Variants in ADAMTS20 observed in about 807,000 individuals in gnomAD.
ADAMTS20 encodes ADAM metallopeptidase with thrombospondin type 1 motif 20.
Under a neutral mutation model 260.1 loss-of-function variants are expected in ADAMTS20, and 225 were observed. That is an observed-to-expected ratio of 0.87 (90% CI 0.78 to 0.97). ADAMTS20 has a LOEUF of 0.97. Ranked by LOEUF, ADAMTS20 falls within the 50% of genes least tolerant of loss-of-function variation. The probability of loss-of-function intolerance (pLI) is 0.00; values close to 1 mark genes in which losing one functional copy is unlikely to be tolerated. For synonymous variants in ADAMTS20, 802 were observed against 769.5 expected (o/e 1.04, Z -0.70); for missense variants, 2,400 against 2,337.7 (o/e 1.03, Z -0.55).
rs750288313 is a variant in ADAMTS20, at chr12:43,440,075, A to C, written c.2291-6T>G. On this transcript the variant is annotated splice_polypyrimidine_tract_variant and splice_region_variant and intron_variant, in intron 16 of 38. Transcript: ENST00000389420. ...CCCTTCAGCGTCAGATAATGCTGTA[A>C]AAGAATAAAGCATAACTCATGAAAT... The C allele has an allele frequency of 1.3e-5, 20 of 1,547,150 alleles. No homozygotes were observed. The highest frequency in any genetic ancestry group is 1.7e-4 in the Middle Eastern group (1 of 5,822).
chr12:43,453,677 G>T (rs991408136), intron 12 of ADAMTS20, among the ~76,000 whole-genome samples: 2 of 151,420 alleles, frequency 1.3e-5, no homozygotes, highest in Non-Finnish European at 2.9e-5. Context: ...ACAAAAAAAT[G>T]AAGAAAATGG....
intron 3 of ADAMTS20, among the ~76,000 whole-genome samples, chr12:43,508,109 A>G (rs1942871778): frequency 6.6e-6 from 1 of 152,174 alleles, no homozygotes; most frequent in African/African-American, 2.4e-5. Flanking sequence ...TACCTACATA[A>G]CAAACTGGCA....
At chr12:43,466,328 A>G (rs115471537) in intron 9 of ADAMTS20, among the ~76,000 whole-genome samples, 2,059 of 152,078 alleles carry the variant, frequency 0.014, 52 homozygotes, top group African/African-American at 0.047. Flanking sequence ...ATTCAAAAAC[A>G]CATAAGGAAA....
chr12:43,534,490 C>T (rs1051431281), intron 2 of ADAMTS20, among the ~76,000 whole-genome samples: 1 of 152,170 alleles, frequency 6.6e-6, no homozygotes, highest in African/African-American at 2.4e-5. Context: ...ATATACCATA[C>T]ATTTGCATGT....
At chr12:43,514,560 CAAAAAAAAAAAAAAAA>C (rs58435633) in intron 3 of ADAMTS20, among the ~76,000 whole-genome samples, 7 of 63,652 alleles carry the variant, frequency 1.1e-4, no homozygotes, top group Admixed American at 1.9e-4. Flanking sequence ...GACTCTATCT[CAAAAAAAAAAAAAAAA>C]AAAAAAAAAA....
chr12:43,468,793 T>C (rs891411110), intron 7 of ADAMTS20, 88 bp from the exon 8 acceptor site: 1 of 724,566 alleles, frequency 1.4e-6, no homozygotes, highest in African/African-American at 1.8e-5. Flanking sequence ...TAACCATTGA[T>C]GTTATTACTT....
At chr12:43,449,496 A>G (rs11182080) in intron 14 of ADAMTS20, among the ~76,000 whole-genome samples, 118,124 of 151,896 alleles carry the variant, frequency 0.78, 47,089 homozygotes, top group East Asian at 1. Context: ...GGTGGAGGGT[A>G]GGAGGCGCGA....
intron 16 of ADAMTS20, among the ~76,000 whole-genome samples, chr12:43,442,903 C>T (rs1941694503): frequency 2.6e-5 from 4 of 152,168 alleles, no homozygotes; most frequent in Admixed American, 2.6e-4. Flanking sequence ...CTATCTAGTT[C>T]CAAAACCTGT....
intron 35 of ADAMTS20, among the ~76,000 whole-genome samples, 171 bp from the exon 36 acceptor site, chr12:43,375,683 A>G (rs1263052093): frequency 6.6e-6 from 1 of 152,248 alleles, no homozygotes; most frequent in Non-Finnish European, 1.5e-5. Flanking sequence ...AACATTTTCA[A>G]TGAAACATCT....
At chr12:43,459,162 C>G (rs970423109) in intron 11 of ADAMTS20, among the ~76,000 whole-genome samples, 1 of 152,206 alleles carries the variant, frequency 6.6e-6, no homozygotes, top group African/African-American at 2.4e-5. Flanking sequence ...TGAGCTTTCA[C>G]TTGCCGCCTA....
intron 8 of ADAMTS20, among the ~76,000 whole-genome samples, chr12:43,467,592 CTTCTACTGG>C (rs768798612): frequency 7.0e-4 from 106 of 152,190 alleles, no homozygotes; most frequent in Non-Finnish European, 9.4e-4. Flanking sequence ...CAAAAATCGT[CTTCTACTGG>C]TTAGTAGCCT....
chr12:43,456,311 T>C (rs1283437473), intron 11 of ADAMTS20, among the ~76,000 whole-genome samples: 1 of 152,172 alleles, frequency 6.6e-6, no homozygotes, highest in Non-Finnish European at 1.5e-5. Flanking sequence ...CCTAGATTAT[T>C]CTCATTAACA....
chr12:43,408,655 T>C (rs1940964775), intron 28 of ADAMTS20, among the ~76,000 whole-genome samples: 1 of 152,156 alleles, frequency 6.6e-6, no homozygotes, highest in African/African-American at 2.4e-5. Context: ...CCACTGCACA[T>C]ATTAATGTCT....
chr12:43,492,761 T>G (rs1365719937), intron 5 of ADAMTS20, 132 bp from the exon 6 acceptor site: 6 of 970,518 alleles, frequency 6.2e-6, no homozygotes, highest in Non-Finnish European at 6.1e-6. Flanking sequence ...GCATCTCTTC[T>G]TCATATATTA....
intron 11 of ADAMTS20, among the ~76,000 whole-genome samples, chr12:43,459,441 G>A (rs182149011): frequency 2.5e-3 from 384 of 152,242 alleles, no homozygotes; most frequent in African/African-American, 8.6e-3. Context: ...TCCATTCCTC[G>A]GAATCTGTGA....
chr12:43,540,129 C>A (rs1186808521), intron 2 of ADAMTS20, among the ~76,000 whole-genome samples: 1 of 152,154 alleles, frequency 6.6e-6, no homozygotes, highest in Non-Finnish European at 1.5e-5. Flanking sequence ...CTCAGCCTCC[C>A]AAAGTGCTGG....
chr12:43,409,635 A>AAAATT (rs1940994950), intron 28 of ADAMTS20, among the ~76,000 whole-genome samples: 1 of 147,864 alleles, frequency 6.8e-6, no homozygotes, highest in African/African-American at 2.5e-5. Context: ...AAAAAACAAG[A>AAAATT]AAATTAGAAG....
At position 43,425,642 on chromosome 12, in the gene ADAMTS20, G is replaced by T; in HGVS notation, c.4156C>A (p.Gln1386Lys). Residue 1386 changes from glutamine to lysine, a missense_variant, in exon 28 of 39, where the codon CAA (glutamine) becomes AAA (lysine). Transcript: ENST00000389420. ...GGIKSRLVIC[Q>K]FPNGQILEDH... is the part of the protein sequence containing the mutation. ...TCTAATATTTGGCCATTGGGAAATTGACATATTACAAGTCTTGATTTTATT... is the reference window on the plus strand; with the variant it reads ...TCTAATATTTGGCCATTGGGAAATTTACATATTACAAGTCTTGATTTTATT... 1.2e-6 allele frequency: 2 copies of T among 1,609,840 alleles called. No individual in the cohort carries two copies. Among genetic ancestry groups the T allele is most frequent in the South Asian group, 2.2e-5 (2 of 90,460 alleles).
intron 3 of ADAMTS20, among the ~76,000 whole-genome samples, chr12:43,527,845 A>C (rs1943164169): frequency 6.6e-6 from 1 of 152,136 alleles, no homozygotes; most frequent in African/African-American, 2.4e-5. Flanking sequence ...CAGAACAATC[A>C]GGCAAGAGAA....
Sources: allele counts gnomAD v4.1 joint callset (sites outside exome capture counted in the v4.1 genomes callset), GRCh38; gene constraint gnomAD v4.1.1; transcripts MANE v1.5; gene names NCBI Gene and HGNC (gene_info 2026-07-23, HGNC 2026-07-21).